SLC14A2: variants seen among roughly 807,000 people sequenced by gnomAD.
SLC14A2 encodes urea transporter 2.
Under a neutral mutation model 104.6 loss-of-function variants are expected in SLC14A2, and 91 were observed. That is an observed-to-expected ratio of 0.87 (90% CI 0.73 to 1.04). The LOEUF (loss-of-function observed/expected upper bound fraction) is 1.04, where lower values mean the gene tolerates loss of function less well. SLC14A2 is among the 50% of genes least tolerant of loss of function. The pLI, the probability that SLC14A2 is intolerant of heterozygous loss-of-function variation, is 0.00. For missense variants in SLC14A2, 1,189 were observed against 1,156.0 expected (o/e 1.03, Z -0.41); for synonymous variants, 476 against 466.4 (o/e 1.02, Z -0.27).
the SLC14A2 span, among the ~76,000 whole-genome samples, chr18:45,177,487 G>T: frequency 6.6e-6 from 1 of 152,066 alleles, no homozygotes; most frequent in Admixed American, 6.6e-5. Context: ...TTTATACATC[G>T]TGTTCCAGCC....
At chr18:45,429,080 C>T (rs1355217406) in intron 1 of SLC14A2, among the ~76,000 whole-genome samples, 1 of 152,180 alleles carries the variant, frequency 6.6e-6, no homozygotes, top group African/African-American at 2.4e-5. Context: ...TTTGGAGGAC[C>T]ATACTCCCTG....
chr18:45,219,911 A>G (rs966103969), intron 1 of SLC14A2, among the ~76,000 whole-genome samples: 1 of 152,210 alleles, frequency 6.6e-6, no homozygotes, highest in African/African-American at 2.4e-5. Context: ...AATCAAATGT[A>G]AATAGACCAC....
chr18:45,675,371 AGGACTTGCCTGT>A (rs2144655836), intron 18 of SLC14A2, among the ~76,000 whole-genome samples: 1 of 152,276 alleles, frequency 6.6e-6, no homozygotes, highest in Non-Finnish European at 1.5e-5. Flanking sequence ...GGGAGGTAAA[AGGACTTGCCTGT>A]GGGCAGAGGT....
intron 2 of SLC14A2, among the ~76,000 whole-genome samples, chr18:45,565,819 C>T (rs993692546): frequency 6.6e-6 from 1 of 152,184 alleles, no homozygotes; most frequent in Non-Finnish European, 1.5e-5. Context: ...GGCTGTCCTC[C>T]TCCCTCTGCC....
intron 1 of SLC14A2, among the ~76,000 whole-genome samples, chr18:45,412,034 T>C (rs1432341431): frequency 6.6e-6 from 1 of 152,172 alleles, no homozygotes; most frequent in Non-Finnish European, 1.5e-5. Flanking sequence ...ACTTATTTAA[T>C]CAGTATCTGT....
intron 2 of SLC14A2, among the ~76,000 whole-genome samples, chr18:45,526,843 G>A (rs2043599716): frequency 6.6e-6 from 1 of 152,128 alleles, no homozygotes; most frequent in Admixed American, 6.5e-5. Flanking sequence ...GGACAAGGAG[G>A]GAGTTGCTAA....
chr18:45,196,200 C>T, the SLC14A2 span, among the ~76,000 whole-genome samples: 2 of 152,306 alleles, frequency 1.3e-5, no homozygotes, highest in African/African-American at 4.8e-5. Context: ...AGTATGTACA[C>T]AGAAATATTT....
intron 1 of SLC14A2, among the ~76,000 whole-genome samples, chr18:45,376,665 G>A (rs1223527562): frequency 2.6e-5 from 4 of 152,112 alleles, no homozygotes; most frequent in African/African-American, 4.8e-5. Context: ...TTTAGAGATG[G>A]TTCTCGATGG....
At chr18:45,377,283 T>G (rs1355622213) in intron 1 of SLC14A2, among the ~76,000 whole-genome samples, 1 of 151,936 alleles carries the variant, frequency 6.6e-6, no homozygotes, top group Admixed American at 6.6e-5. Flanking sequence ...TCTTTTCTTT[T>G]CCCCTAAACA....
At chr18:45,284,909 A>C (rs146842942) in intron 1 of SLC14A2, among the ~76,000 whole-genome samples, 1,629 of 152,346 alleles carry the variant, frequency 0.011, 39 homozygotes, top group East Asian at 0.069. Context: ...GGAAAGACTC[A>C]AATATGGTGA....
intron 1 of SLC14A2, among the ~76,000 whole-genome samples, chr18:45,386,896 T>C (rs564153704): frequency 6.6e-6 from 1 of 152,252 alleles, no homozygotes; most frequent in Non-Finnish European, 1.5e-5. Flanking sequence ...ACCAGGCACA[T>C]GGTGAGCACA....
chr18:45,644,772 TAATA>T (rs988849168), intron 10 of SLC14A2, among the ~76,000 whole-genome samples: 64 of 152,358 alleles, frequency 4.2e-4, no homozygotes, highest in Admixed American at 1.1e-3. Context: ...AGGGAGGAAT[TAATA>T]AATTAGAATC....
intron 1 of SLC14A2, among the ~76,000 whole-genome samples, chr18:45,378,141 T>G (rs1172348018): frequency 7.2e-5 from 11 of 152,240 alleles, no homozygotes; most frequent in African/African-American, 2.7e-4. Flanking sequence ...GTTATTTATC[T>G]ATGGGCTCCA....
chr18:45,214,953 A>G (rs554649977), intron 1 of SLC14A2, among the ~76,000 whole-genome samples: 1 of 151,806 alleles, frequency 6.6e-6, no homozygotes, highest in South Asian at 2.1e-4. Flanking sequence ...AATAAAAGAA[A>G]AAAAAGATAC....
intron 10 of SLC14A2, among the ~76,000 whole-genome samples, chr18:45,651,425 ATG>A (rs1429258249): frequency 1.3e-5 from 2 of 152,162 alleles, no homozygotes; most frequent in Non-Finnish European, 2.9e-5. Flanking sequence ...GTATTAGGTA[ATG>A]CATGTGGGAG....
In SLC14A2 at chr18:45,643,936, A is replaced by C. The variant is rs750011540; in HGVS notation, c.1177-50A>C. The C allele has an allele frequency of 5.8e-6, 9 of 1,564,968 alleles. No homozygotes were observed. The South Asian group carries it at 1.0e-4, about 18-fold the overall frequency. Reference sequence around the variant, plus strand: ...CCTTCTCCCCCAGAGTCCCCAGCCCAACACAGGAAACTAGGAAACTTCTTC... The same window carrying C: ...CCTTCTCCCCCAGAGTCCCCAGCCCCACACAGGAAACTAGGAAACTTCTTC... On this transcript the variant is annotated intron_variant, in intron 9 of 19. Transcript: ENST00000255226.
chr18:45,673,163 C>T, intron 17 of SLC14A2, 116 bp downstream of exon 17: 2 of 1,012,848 alleles, frequency 2.0e-6, no homozygotes, highest in East Asian at 4.8e-5. Flanking sequence ...AACTTTCCCT[C>T]CTTCTGTTGT....
chr18:45,178,887 G>A, the SLC14A2 span, among the ~76,000 whole-genome samples: 3 of 152,150 alleles, frequency 2.0e-5, no homozygotes, highest in African/African-American at 7.2e-5. Flanking sequence ...TTGAGCTGAA[G>A]AAAACATCTG....
At chr18:45,196,408 A>C in the SLC14A2 span, among the ~76,000 whole-genome samples, 1 of 152,174 alleles carries the variant, frequency 6.6e-6, no homozygotes, top group Non-Finnish European at 1.5e-5. Flanking sequence ...AAGAATTTTG[A>C]AGCTGCTCAG....
Sources: gnomAD v4.1 joint callset for allele counts (sites outside exome capture counted in the v4.1 genomes callset) on GRCh38, gnomAD v4.1.1 for gene constraint, MANE v1.5 for transcripts, NCBI Gene and HGNC (gene_info 2026-07-23, HGNC 2026-07-21) for gene names.